GRID1: variants seen among roughly 807,000 people sequenced by gnomAD.
GRID1 encodes glutamate ionotropic receptor delta type subunit 1, also known as glutamate receptor ionotropic, delta-1.
GRID1 carries 28 observed loss-of-function variants against 98.0 expected under a neutral mutation model. The observed-to-expected ratio is 0.29, with a 90% CI of 0.21 to 0.39. The LOEUF is 0.39. Among genes scored for constraint, GRID1 ranks in the 10% least tolerant of loss-of-function variants. The probability of loss-of-function intolerance (pLI) is 1.00; values close to 1 mark genes in which losing one functional copy is unlikely to be tolerated. For missense variants in GRID1, 1,111 were observed against 1,340.5 expected (o/e 0.83, Z 2.67); for synonymous variants, 553 against 538.5 (o/e 1.03, Z -0.37).
At chr10:86,361,899 C>T (rs539383784) in intron 2 of GRID1, among the ~76,000 whole-genome samples, 1 of 152,206 alleles carries the variant, frequency 6.6e-6, no homozygotes. Context: ...ACCAGCTGCC[C>T]GGTTCATCCT....
At chr10:86,242,584 G>C (rs1846655505) in intron 2 of GRID1, among the ~76,000 whole-genome samples, 2 of 152,222 alleles carry the variant, frequency 1.3e-5, no homozygotes, top group South Asian at 4.1e-4. Flanking sequence ...AGGTAAGGCA[G>C]CCAACTTAAA....
intron 12 of GRID1, among the ~76,000 whole-genome samples, chr10:85,694,309 A>T (rs1841364718): frequency 6.6e-6 from 1 of 151,976 alleles, no homozygotes; most frequent in African/African-American, 2.4e-5. Flanking sequence ...GGGAACACTT[A>T]TACACTGTTG....
intron 2 of GRID1, among the ~76,000 whole-genome samples, chr10:86,311,601 GA>G (rs10710300): frequency 1 from 151,696 of 151,908 alleles, 75,743 homozygotes; most frequent in Middle Eastern, 1. Context: ...TGCCAGAGTG[GA>G]AAAAAAAAAA....
intron 2 of GRID1, among the ~76,000 whole-genome samples, chr10:86,326,766 A>G (rs971888226): frequency 6.6e-6 from 1 of 152,244 alleles, no homozygotes; most frequent in Non-Finnish European, 1.5e-5. Context: ...ATTGGAGACA[A>G]GAGTGGAGCA....
chr10:86,093,107 T>C (rs887849886), intron 4 of GRID1, among the ~76,000 whole-genome samples: 3 of 152,144 alleles, frequency 2.0e-5, no homozygotes, highest in African/African-American at 7.2e-5. Context: ...TCCATAGAAA[T>C]TCAATAGCCT....
At chr10:86,087,350 T>C (rs1844075482) in intron 4 of GRID1, among the ~76,000 whole-genome samples, 1 of 147,768 alleles carries the variant, frequency 6.8e-6, no homozygotes, top group Non-Finnish European at 1.5e-5. Flanking sequence ...TTTGTGTGTG[T>C]GTGTGTGTGT....
chr10:86,273,652 T>C (rs1373858929), intron 2 of GRID1, among the ~76,000 whole-genome samples: 1 of 152,144 alleles, frequency 6.6e-6, no homozygotes, highest in Non-Finnish European at 1.5e-5. Context: ...TTTGCATTTC[T>C]CTGATGGCCA....
chr10:86,227,445 T>G (rs1379768969), intron 2 of GRID1, among the ~76,000 whole-genome samples: 1 of 152,176 alleles, frequency 6.6e-6, no homozygotes, highest in African/African-American at 2.4e-5. Flanking sequence ...CCTCCAGCCT[T>G]GCCTCTTGGG....
intron 8 of GRID1, among the ~76,000 whole-genome samples, chr10:85,771,602 G>A (rs1842268544): frequency 1.3e-5 from 2 of 152,210 alleles, no homozygotes; most frequent in Middle Eastern, 3.4e-3. Context: ...GACACAAATA[G>A]GCTCAAAATA....
At chr10:86,037,335 T>C (rs981722418) in intron 4 of GRID1, among the ~76,000 whole-genome samples, 4 of 152,184 alleles carry the variant, frequency 2.6e-5, no homozygotes, top group Non-Finnish European at 5.9e-5. Flanking sequence ...ATCAAGAACA[T>C]GCAAGCTTGG....
intron 12 of GRID1, among the ~76,000 whole-genome samples, chr10:85,685,853 A>G (rs908148341): frequency 6.6e-6 from 1 of 152,150 alleles, no homozygotes; most frequent in Non-Finnish European, 1.5e-5. Flanking sequence ...TACTATTCAT[A>G]TTAACAATAC....
chr10:86,216,439 T>C (rs1441646381), intron 2 of GRID1, among the ~76,000 whole-genome samples: 1 of 152,216 alleles, frequency 6.6e-6, no homozygotes, highest in Non-Finnish European at 1.5e-5. Context: ...ATGTTAGGAA[T>C]GAGGCAATGG....
In GRID1 at chr10:86,366,691, C is replaced by A. The variant is rs1172070143; in HGVS notation, c.-299G>T. 6.7e-6 allele frequency among the ~76,000 whole-genome samples: 1 copy of A among 149,630 alleles called. No homozygotes were observed. Among genetic ancestry groups the A allele is most frequent in the African/African-American group, 2.4e-5 (1 of 41,212 alleles). On this transcript the variant is annotated 5_prime_UTR_variant, in exon 1 of 16. Transcript: ENST00000327946. This position sits in a 1 kb window ranked among gnomAD's most constrained non-coding sequence, Gnocchi z 4.1. ...GCGGCTGTGGCAGCGGCGCTTCCCG[C>A]GGCTAGAGCGGCTTCGGGGGAGGCT...
At chr10:86,284,808 C>A (rs1417067128) in intron 2 of GRID1, among the ~76,000 whole-genome samples, 1 of 152,206 alleles carries the variant, frequency 6.6e-6, no homozygotes, top group Non-Finnish European at 1.5e-5. Flanking sequence ...GGCATAGGGT[C>A]GCAGCAGAGG....
chr10:85,873,891 C>A (rs1033064364), intron 5 of GRID1, among the ~76,000 whole-genome samples: 1 of 152,222 alleles, frequency 6.6e-6, no homozygotes, highest in African/African-American at 2.4e-5. Context: ...TACTCACCAC[C>A]ATTTAATAAC....
At chr10:85,683,338 G>A (rs1841232106) in intron 12 of GRID1, among the ~76,000 whole-genome samples, 1 of 152,208 alleles carries the variant, frequency 6.6e-6, no homozygotes, top group Non-Finnish European at 1.5e-5. Flanking sequence ...GTGACAATAT[G>A]CCAAAACAAT....
intron 15 of GRID1, among the ~76,000 whole-genome samples, chr10:85,612,606 A>T (rs1006068437): frequency 6.6e-6 from 1 of 152,076 alleles, no homozygotes; most frequent in Non-Finnish European, 1.5e-5. Flanking sequence ...AGAGAGTGAC[A>T]GCCCCACGGA....
intron 8 of GRID1, among the ~76,000 whole-genome samples, chr10:85,769,940 A>G (rs963800027): frequency 6.6e-6 from 1 of 152,158 alleles, no homozygotes. Context: ...TGCAGACTTA[A>G]ATGTCCCTGT....
chr10:85,760,831 G>A (rs1176280223), intron 8 of GRID1, among the ~76,000 whole-genome samples: 6 of 152,098 alleles, frequency 3.9e-5, no homozygotes, highest in African/African-American at 1.4e-4. Context: ...CCTGGCTTTG[G>A]TAAAATGTTG....
Sources: allele counts gnomAD v4.1 joint callset (sites outside exome capture counted in the v4.1 genomes callset), GRCh38; gene constraint gnomAD v4.1.1; non-coding constraint Gnocchi (gnomAD v3.1); transcripts MANE v1.5; gene names NCBI Gene and HGNC (gene_info 2026-07-23, HGNC 2026-07-21).